MTF2: variants seen among roughly 807,000 people sequenced by gnomAD.
MTF2 encodes the protein metal-response element-binding transcription factor 2.
A neutral mutation model predicts 79.5 loss-of-function variants in MTF2; 11 were observed. That is an observed-to-expected ratio of 0.14 (90% CI 0.09 to 0.23). The LOEUF is 0.23. Among genes scored for constraint, MTF2 ranks in the 10% least tolerant of loss-of-function variants. The pLI is 1.00. For synonymous variants in MTF2, 208 were observed against 232.8 expected, an observed-to-expected ratio of 0.89 and a Z score of 0.97; for missense variants, 486 against 711.2, an observed-to-expected ratio of 0.68 and a Z score of 3.60.
intron 1 of MTF2, among the ~76,000 whole-genome samples, chr1:93,091,801 T>C (rs1655084189): frequency 6.6e-6 from 1 of 152,252 alleles, no homozygotes; most frequent in South Asian, 2.1e-4. Flanking sequence ...TACTGGTTTA[T>C]GGACTTGAGT....
intron 3 of MTF2, among the ~76,000 whole-genome samples, chr1:93,111,676 A>G (rs1656034675): frequency 6.6e-6 from 1 of 152,126 alleles, no homozygotes; most frequent in Non-Finnish European, 1.5e-5. Flanking sequence ...TCCTGGACTG[A>G]TAAGTTTAAA....
At chr1:93,089,708 A>G (rs994661731) in intron 1 of MTF2, among the ~76,000 whole-genome samples, 2 of 152,016 alleles carry the variant, frequency 1.3e-5, no homozygotes, top group Non-Finnish European at 2.9e-5. Flanking sequence ...TCTCACCGCT[A>G]TGCCTGGCTT....
intron 1 of MTF2, among the ~76,000 whole-genome samples, chr1:93,096,088 T>C (rs945266597): frequency 1.2e-4 from 18 of 152,256 alleles, no homozygotes; most frequent in Admixed American, 2.6e-4. Flanking sequence ...CTGACACTTA[T>C]GTTTAATTTT....
intron 1 of MTF2, among the ~76,000 whole-genome samples, chr1:93,106,279 C>T (rs778179551): frequency 1.3e-5 from 2 of 152,142 alleles, no homozygotes; most frequent in African/African-American, 2.4e-5. Flanking sequence ...CAGACCTTGC[C>T]ATCCTGAAAG....
At chr1:93,127,185 A>T in intron 9 of MTF2, 47 bp from the exon 10 acceptor site, 1 of 1,291,324 alleles carries the variant, frequency 7.7e-7, no homozygotes, top group Non-Finnish European at 1.1e-6. Context: ...GTATATTACT[A>T]ATTGATGAAA....
chr1:93,137,428 CA>C lies in MTF2; in HGVS notation c.*405del, dbSNP rs1647447578. 1 of 158,500 alleles carries C rather than the reference CA, an allele frequency of 6.3e-6. No individual in the cohort carries two copies. The highest frequency in any genetic ancestry group is 6.1e-5 in the Admixed American group (1 of 16,288). The allele number at this position is 158,500 out of a possible 1,614,324, so 9.8% of individuals were successfully genotyped here. A position where few individuals can be genotyped will look rare whatever the true frequency, so the allele number is the denominator to read the frequency against. On this transcript the variant is annotated 3_prime_UTR_variant, in exon 15 of 15. Transcript: ENST00000370298. Reference sequence around the variant, plus strand: ...GGAGAAACGTTGTTTGTTTTGTTACCAAAATGTTGGAAAAATTTATTTCAAT... The same window carrying C: ...GGAGAAACGTTGTTTGTTTTGTTACCAAATGTTGGAAAAATTTATTTCAAT...
At chr1:93,096,505 ATTTG>A (rs1655293655) in intron 1 of MTF2, among the ~76,000 whole-genome samples, 1 of 149,086 alleles carries the variant, frequency 6.7e-6, no homozygotes, top group South Asian at 2.1e-4. Context: ...TTTTGGTGCC[ATTTG>A]TTCTGTCATA....
chr1:93,133,692 T>C lies in MTF2; in HGVS notation c.1161-11T>C, dbSNP rs1647236605. ...TGCAGAGATTAAATGCATAATGGTTTTCCATTTCAGGGAAGTAAGCAATGG... is the reference window on the plus strand; with the variant it reads ...TGCAGAGATTAAATGCATAATGGTTCTCCATTTCAGGGAAGTAAGCAATGG... On this transcript the variant is annotated splice_polypyrimidine_tract_variant and intron_variant, in intron 11 of 14. Transcript: ENST00000370298. The C allele has an allele frequency of 6.3e-7, 1 of 1,592,172 alleles. No homozygotes were observed. The highest frequency in any genetic ancestry group is 1.3e-5 in the African/African-American group (1 of 74,264).
At chr1:93,082,377 C>T (rs1323370434) in intron 1 of MTF2, among the ~76,000 whole-genome samples, 1 of 150,838 alleles carries the variant, frequency 6.6e-6, no homozygotes, top group Non-Finnish European at 1.5e-5. Flanking sequence ...GACTCTTGGG[C>T]GGAAGTGATC....
At position 93,108,926 on chromosome 1, in the gene MTF2, T is replaced by A. The variant is rs188748386; in HGVS notation, c.6-1304T>A. On this transcript the variant is annotated intron_variant, in intron 1 of 14. Coordinates refer to ENST00000370298, the MANE Select transcript of MTF2 (RefSeq NM_007358.4). ...ATAAGTGGAATAGTTGTCCATTTTG[T>A]CTGGCTTATTTCACTTAGCATAATG... 2.0e-5 allele frequency among the ~76,000 whole-genome samples: 3 copies of A among 152,340 alleles called. No individual in the cohort carries two copies. In the East Asian group the frequency reaches 5.8e-4, roughly 29 times the overall value.
chr1:93,103,917 AAAG>A (rs1481965358), intron 1 of MTF2, among the ~76,000 whole-genome samples: 1 of 152,094 alleles, frequency 6.6e-6, no homozygotes, highest in Non-Finnish European at 1.5e-5. Context: ...AGAAATTTTA[AAAG>A]AAGATACTGC....
intron 11 of MTF2, among the ~76,000 whole-genome samples, chr1:93,130,587 A>T (rs567342293): frequency 1.1e-4 from 17 of 152,232 alleles, no homozygotes; most frequent in African/African-American, 2.4e-4. Context: ...AAAAAAAAAA[A>T]ATATTGTTTT....
chr1:93,110,280 G>C lies in MTF2; in HGVS notation c.56G>C (p.Arg19Pro). 6.2e-7 allele frequency: 1 copy of C among 1,614,026 alleles called. No individual in the cohort carries two copies. ...CTGGTCCACAAGCGGTCTCCTTTAC[G>C]TCGAAACCAAAAGACCCCAACATCC... ...NSLVHKRSPLRRNQKTPTSLT... is the reference protein window; with the variant it reads ...NSLVHKRSPLPRNQKTPTSLT... The change falls in exon 2 of 15, where the codon CGT becomes CCT. Residue 19 changes from arginine to proline, a missense_variant. Arg to Pro is a moderately radical substitution (Grantham distance 103). This residue lies in a region of MTF2 where 75 missense variants were observed against 83.8 expected (regional missense o/e 0.89). Coordinates refer to ENST00000370298, the MANE Select transcript of MTF2 (RefSeq NM_007358.4).
chr1:93,087,436 G>A (rs995828870), intron 1 of MTF2, among the ~76,000 whole-genome samples: 1 of 152,050 alleles, frequency 6.6e-6, no homozygotes, highest in Admixed American at 6.5e-5. Flanking sequence ...GCCAGGCGTG[G>A]TGGCACGCAC....
At chr1:93,129,036 T>A (rs1656817465) in intron 10 of MTF2, 1 of 313,330 alleles carries the variant, frequency 3.2e-6, no homozygotes, top group Non-Finnish European at 5.8e-6. Flanking sequence ...AGTTGCCATG[T>A]TTAAAAAGAA....
chr1:93,096,884 C>T (rs1339066088), intron 1 of MTF2, among the ~76,000 whole-genome samples: 2 of 147,048 alleles, frequency 1.4e-5, no homozygotes, highest in African/African-American at 2.5e-5. Context: ...GATCATGGCT[C>T]ACTGCAGCCT....
chr1:93,091,445 T>G (rs1178800706), intron 1 of MTF2, among the ~76,000 whole-genome samples: 1 of 151,984 alleles, frequency 6.6e-6, no homozygotes, highest in Non-Finnish European at 1.5e-5. Context: ...ATCCTCCCAC[T>G]TCAGCCTCCC....
chr1:93,132,955 A>T (rs1394171818), intron 11 of MTF2, among the ~76,000 whole-genome samples: 1 of 152,136 alleles, frequency 6.6e-6, no homozygotes, highest in Non-Finnish European at 1.5e-5. Flanking sequence ...ATTGCTGAGT[A>T]AATGAAATAG....
intron 8 of MTF2, 36 bp from the exon 9 acceptor site, chr1:93,120,513 C>T: frequency 2.0e-6 from 3 of 1,523,642 alleles, no homozygotes; most frequent in Non-Finnish European, 2.6e-6. Context: ...TAACCAAAAA[C>T]ATTGTTTTGT....
Sources: allele counts gnomAD v4.1 joint callset (sites outside exome capture counted in the v4.1 genomes callset), GRCh38; gene constraint gnomAD v4.1.1; regional missense constraint gnomAD v4.1.1; transcripts MANE v1.5; gene names NCBI Gene and HGNC (gene_info 2026-07-23, HGNC 2026-07-21).